Variants in TGFBR3 observed in about 807,000 individuals in gnomAD.
TGFBR3 encodes the protein transforming growth factor beta receptor type 3.
In TGFBR3, 46 loss-of-function variants were observed where a neutral mutation model predicts 87.9. That is an observed-to-expected ratio of 0.52 (90% CI 0.41 to 0.67). The LOEUF is 0.67. TGFBR3 is among the 30% of genes least tolerant of loss of function. The pLI, the probability that TGFBR3 is intolerant of heterozygous loss-of-function variation, is 0.00. For synonymous variants in TGFBR3, 381 were observed against 391.6 expected (o/e 0.97, Z 0.32); for missense variants, 866 against 1,041.9 (o/e 0.83, Z 2.32).
rs971308874 is a variant in TGFBR3, at chr1:91,858,253, G to A, written c.61+3218C>T. 8.5e-5 allele frequency among the ~76,000 whole-genome samples: 13 copies of A among 152,084 alleles called. 1 individual carries two copies. In the South Asian group the frequency reaches 1.5e-3, roughly 17 times the overall value. ...GAGCTAAATTCAGCTCATCCAGAATGCCCAAAAAACCATTTTGTAAAGTAT... is the reference window on the plus strand; with the variant it reads ...GAGCTAAATTCAGCTCATCCAGAATACCCAAAAAACCATTTTGTAAAGTAT... On this transcript the variant is annotated intron_variant, in intron 2 of 16. Transcript: ENST00000212355.
At chr1:91,717,189 G>A (rs1672204957) in intron 10 of TGFBR3, among the ~76,000 whole-genome samples, 1 of 152,204 alleles carries the variant, frequency 6.6e-6, no homozygotes, top group African/African-American at 2.4e-5. Context: ...TTTGGTTGGA[G>A]TCAGCAGCGA....
intron 1 of TGFBR3, 117 bp from the exon 2 acceptor site, chr1:91,861,761 G>A: frequency 3.7e-6 from 2 of 546,322 alleles, no homozygotes; most frequent in Non-Finnish European, 3.3e-6. Context: ...CTTAAAAGAT[G>A]CAAAATAGCA....
At chr1:91,802,797 C>A (rs556155296) in intron 2 of TGFBR3, among the ~76,000 whole-genome samples, 1 of 152,168 alleles carries the variant, frequency 6.6e-6, no homozygotes, top group South Asian at 2.1e-4. Flanking sequence ...TCCTTCATTC[C>A]CTCCCTAAGT....
At chr1:91,802,185 G>A (rs893230191) in intron 2 of TGFBR3, among the ~76,000 whole-genome samples, 1 of 152,166 alleles carries the variant, frequency 6.6e-6, no homozygotes, top group African/African-American at 2.4e-5. Flanking sequence ...TTGGAGAGAC[G>A]CTCTTCTGCC....
At chr1:91,848,756 T>C (rs2101136544) in intron 2 of TGFBR3, among the ~76,000 whole-genome samples, 2 of 152,292 alleles carry the variant, frequency 1.3e-5, no homozygotes, top group South Asian at 4.1e-4. Context: ...CTCATGATCC[T>C]GAAAACCAGG....
intron 4 of TGFBR3, among the ~76,000 whole-genome samples, chr1:91,738,298 T>C (rs1488594609): frequency 6.6e-6 from 1 of 152,230 alleles, no homozygotes; most frequent in East Asian, 1.9e-4. Context: ...TGATCTCATA[T>C]TTACTAATTG....
intron 2 of TGFBR3, among the ~76,000 whole-genome samples, chr1:91,839,388 A>G (rs1165829842): frequency 6.6e-6 from 1 of 152,188 alleles, no homozygotes; most frequent in Non-Finnish European, 1.5e-5. Flanking sequence ...TCTGAATTAC[A>G]TAATAAATTT....
rs1237179929 is a variant in TGFBR3 at position 91,680,780 on chromosome 1, C to A, written c.*2959G>T. On this transcript the variant is annotated 3_prime_UTR_variant, in exon 17 of 17. Transcript: ENST00000212355. The stretch of plus-strand genomic sequence containing the variant: ...AAAAAGACTGGCACGCGTGTGAGCA[C>A]CCCACACACACTCACAATCATGCCC... 4.4e-6 allele frequency: 2 copies of A among 453,960 alleles called. No homozygotes were observed. Among genetic ancestry groups the A allele is most frequent in the Non-Finnish European group, 8.8e-6 (2 of 226,754 alleles). The allele number at this position is 453,960 out of a possible 1,614,324, so 28.1% of individuals were successfully genotyped here. A position where few individuals can be genotyped will look rare whatever the true frequency, so the allele number is the denominator to read the frequency against.
chr1:91,696,538 A>T (rs965078177), intron 15 of TGFBR3, among the ~76,000 whole-genome samples: 1 of 152,200 alleles, frequency 6.6e-6, no homozygotes, highest in African/African-American at 2.4e-5. Context: ...CCATTTGGCA[A>T]AGGTTTTTAT....
chr1:91,735,017 T>C, intron 4 of TGFBR3, 58 bp from the exon 5 acceptor site: 6 of 1,592,532 alleles, frequency 3.8e-6, no homozygotes, highest in Non-Finnish European at 5.2e-6. Flanking sequence ...TGAATCATAA[T>C]TAGAGAAAGT....
chr1:91,775,839 T>C (rs914163208), intron 3 of TGFBR3, among the ~76,000 whole-genome samples: 3 of 152,248 alleles, frequency 2.0e-5, no homozygotes, highest in Admixed American at 6.5e-5. Context: ...GATACATTGT[T>C]GTACTGAAAC....
intron 7 of TGFBR3, among the ~76,000 whole-genome samples, chr1:91,724,622 C>T (rs1273058674): frequency 3.9e-5 from 6 of 152,230 alleles, no homozygotes; most frequent in Non-Finnish European, 8.8e-5. Flanking sequence ...TCTATCTACA[C>T]ATTTGTAAAG....
chr1:91,850,473 C>T (rs1557743597), intron 2 of TGFBR3, among the ~76,000 whole-genome samples: 1 of 152,096 alleles, frequency 6.6e-6, no homozygotes, highest in African/African-American at 2.4e-5. Flanking sequence ...CCAGCGGGGT[C>T]AATGATGAAA....
intron 3 of TGFBR3, among the ~76,000 whole-genome samples, chr1:91,783,713 A>T (rs1674855977): frequency 6.6e-6 from 1 of 152,264 alleles, no homozygotes; most frequent in South Asian, 2.1e-4. Flanking sequence ...TTGAGTCCAG[A>T]GTAAACAAAG....
chr1:91,720,283 C>A, intron 8 of TGFBR3, 53 bp from the exon 9 acceptor site: 1 of 1,496,118 alleles, frequency 6.7e-7, no homozygotes, highest in South Asian at 1.2e-5. Context: ...AGGCCACAAC[C>A]AACATCATTA....
At chr1:91,795,240 TCTC>T (rs1436535279) in intron 3 of TGFBR3, among the ~76,000 whole-genome samples, 1 of 152,242 alleles carries the variant, frequency 6.6e-6, no homozygotes, top group Non-Finnish European at 1.5e-5. Context: ...TGTTGTCTAT[TCTC>T]AGAAACATCT....
intron 2 of TGFBR3, among the ~76,000 whole-genome samples, chr1:91,812,615 T>C (rs1676068940): frequency 6.6e-6 from 1 of 152,184 alleles, no homozygotes; most frequent in Non-Finnish European, 1.5e-5. Context: ...TTTATAGTTT[T>C]TTCGGTTTCG....
At chr1:91,781,936 G>C (rs181278020) in intron 3 of TGFBR3, among the ~76,000 whole-genome samples, 22 of 152,270 alleles carry the variant, frequency 1.4e-4, no homozygotes, top group African/African-American at 5.3e-4. Flanking sequence ...GATCTTAACA[G>C]CATTAAAAAT....
At position 91,774,329 on chromosome 1, in the gene TGFBR3, G is replaced by T. The variant is rs563677774; in HGVS notation, c.247-15579C>A. The stretch of plus-strand genomic sequence containing the variant: ...TTTTTGTATTTTTAGTAGAGATGGG[G>T]TTTCACTATGTTCTCAAGCTGGTCC... On this transcript the variant is annotated intron_variant, in intron 3 of 16. Coordinates refer to ENST00000212355, the MANE Select transcript of TGFBR3 (RefSeq NM_003243.5). Among the ~76,000 whole-genome samples, 24 of 152,058 alleles carry T rather than the reference G, an allele frequency of 1.6e-4. 1 individual carries two copies. In the South Asian group the frequency reaches 5.0e-3, roughly 32 times the overall value.
Sources: gnomAD v4.1 joint callset for allele counts (sites outside exome capture counted in the v4.1 genomes callset) on GRCh38, gnomAD v4.1.1 for gene constraint, MANE v1.5 for transcripts, NCBI Gene and HGNC (gene_info 2026-07-23, HGNC 2026-07-21) for gene names.